The following SAMSN1 variants were observed in gnomAD, a reference collection of about 807,000 sequenced individuals.
The protein encoded by SAMSN1 is SAM domain, SH3 domain and nuclear localization signals 1, also known as SAM domain-containing protein SAMSN-1.
In SAMSN1, 31 loss-of-function variants were observed where a neutral mutation model predicts 42.0. The observed-to-expected ratio is 0.74, with a 90% CI of 0.55 to 1.00. The LOEUF (loss-of-function observed/expected upper bound fraction) is 1.00. Ranked by LOEUF, SAMSN1 falls within the 50% of genes least tolerant of loss-of-function variation. The probability of loss-of-function intolerance (pLI) is 0.00; values close to 1 mark genes in which losing one functional copy is unlikely to be tolerated. For missense variants in SAMSN1, 464 were observed against 439.4 expected (o/e 1.06, Z -0.50); for synonymous variants, 178 against 151.9 (o/e 1.17, Z -1.26).
chr21:14,517,043 T>A lies in SAMSN1; in HGVS notation c.130-2A>T. The stretch of plus-strand genomic sequence containing the variant: ...ATTTGTGGGATCTCCTTCATGTGCC[T>A]AGTTTAGAATTGTTTACAAAAGACA... On this transcript the variant is annotated splice_acceptor_variant, in intron 2 of 7. Transcript: ENST00000400566. LOFTEE classifies it high-confidence loss of function. 6.3e-7 allele frequency: 1 copy of A among 1,599,396 alleles called. No homozygotes were observed. The highest frequency in any genetic ancestry group is 1.1e-5 in the South Asian group (1 of 88,034).
upstream of SAMSN1, among the ~76,000 whole-genome samples, chr21:14,586,376 GTGAT>G (rs368824630): frequency 1.8e-3 from 264 of 150,652 alleles, 9 homozygotes; most frequent in East Asian, 0.039. Context: ...TGTACTGAAT[GTGAT>G]TGATTAAGTT....
At chr21:14,529,579 C>T (rs1979105605) in intron 1 of SAMSN1, among the ~76,000 whole-genome samples, 1 of 152,176 alleles carries the variant, frequency 6.6e-6, no homozygotes, top group South Asian at 2.1e-4. Context: ...AGAGTAAGGG[C>T]TGTCGGTATG....
chr21:14,634,243 A>T (rs1207565325), intron 2 of SAMSN1, among the ~76,000 whole-genome samples: 1 of 152,090 alleles, frequency 6.6e-6, no homozygotes, highest in Non-Finnish European at 1.5e-5. Context: ...ACCATTCAGG[A>T]CGTAGGTACA....
chr21:14,580,967 C>G (rs180932274), intron 2 of SAMSN1, among the ~76,000 whole-genome samples: 2 of 152,062 alleles, frequency 1.3e-5, no homozygotes, highest in South Asian at 4.1e-4. Flanking sequence ...AAAAGTACCA[C>G]TCTTAAGTAC....
chr21:14,544,380 A>C (rs1452872408), intron 1 of SAMSN1, among the ~76,000 whole-genome samples: 1 of 152,198 alleles, frequency 6.6e-6, no homozygotes, highest in Non-Finnish European at 1.5e-5. Context: ...TATAATATGC[A>C]AAGAAAATTA....
chr21:14,586,124 G>A (rs1744420946), upstream of SAMSN1, among the ~76,000 whole-genome samples: 1 of 151,526 alleles, frequency 6.6e-6, no homozygotes, highest in Non-Finnish European at 1.5e-5. Context: ...TCAGCTGGGT[G>A]TGGTGGCATG....
At chr21:14,608,917 A>G (rs1410594119) in intron 5 of SAMSN1, among the ~76,000 whole-genome samples, 2 of 152,110 alleles carry the variant, frequency 1.3e-5, no homozygotes, top group Non-Finnish European at 2.9e-5. Flanking sequence ...AACTCTTAAG[A>G]CTTTCTGTTT....
intron 2 of SAMSN1, among the ~76,000 whole-genome samples, chr21:14,623,291 G>A (rs1006685347): frequency 1.3e-5 from 2 of 152,120 alleles, no homozygotes; most frequent in African/African-American, 4.8e-5. Context: ...AATGTAAATG[G>A]GTTAAATGCT....
At chr21:14,501,085 G>T (rs1325593024) in intron 5 of SAMSN1, among the ~76,000 whole-genome samples, 1 of 152,064 alleles carries the variant, frequency 6.6e-6, no homozygotes, top group Non-Finnish European at 1.5e-5. Flanking sequence ...CAAAGCTGCA[G>T]TGAGCTGTAA....
intron 2 of SAMSN1, among the ~76,000 whole-genome samples, chr21:14,616,294 T>C (rs1982836350): frequency 6.6e-6 from 1 of 151,828 alleles, no homozygotes. Flanking sequence ...TTATATCTTA[T>C]TTTAAGCCCT....
At chr21:14,519,511 C>A (rs988029167) in intron 2 of SAMSN1, among the ~76,000 whole-genome samples, 1 of 152,020 alleles carries the variant, frequency 6.6e-6, no homozygotes, top group South Asian at 2.1e-4. Context: ...TACACACACA[C>A]ACACAAACAC....
intron 1 of SAMSN1, among the ~76,000 whole-genome samples, chr21:14,645,686 T>C (rs1175241695): frequency 2.6e-5 from 4 of 152,158 alleles, no homozygotes; most frequent in African/African-American, 9.7e-5. Context: ...CAGGGACCAA[T>C]CCTGGAGAAA....
chr21:14,533,555 T>TC (rs1287367649), intron 1 of SAMSN1, among the ~76,000 whole-genome samples: 1 of 152,184 alleles, frequency 6.6e-6, no homozygotes, highest in Non-Finnish European at 1.5e-5. Flanking sequence ...CGTCTCTATG[T>TC]CCAGGGTCAC....
At chr21:14,497,534 G>A (rs530324895) in intron 7 of SAMSN1, among the ~76,000 whole-genome samples, 31 of 152,298 alleles carry the variant, frequency 2.0e-4, no homozygotes, top group Non-Finnish European at 3.7e-4. Context: ...GGAGGTCGCG[G>A]TGAGCCGAGA....
At chr21:14,651,802 G>A (rs1983841330) in intron 1 of SAMSN1, among the ~76,000 whole-genome samples, 1 of 151,872 alleles carries the variant, frequency 6.6e-6, no homozygotes, top group African/African-American at 2.4e-5. Flanking sequence ...AAAACTGTTA[G>A]AACTAATAAA....
intron 6 of SAMSN1, among the ~76,000 whole-genome samples, chr21:14,596,263 G>A (rs962164596): frequency 6.6e-6 from 1 of 152,048 alleles, no homozygotes; most frequent in Non-Finnish European, 1.5e-5. Flanking sequence ...ACTCTTGAAA[G>A]TCTTCTACTA....
At chr21:14,624,040 G>A (rs1185194263) in intron 2 of SAMSN1, among the ~76,000 whole-genome samples, 7 of 152,120 alleles carry the variant, frequency 4.6e-5, no homozygotes, top group Non-Finnish European at 7.4e-5. Context: ...GGTACACAAC[G>A]AAATGAAGGC....
chr21:14,498,159 T>C (rs868362720), intron 7 of SAMSN1, among the ~76,000 whole-genome samples: 4 of 152,334 alleles, frequency 2.6e-5, no homozygotes, highest in South Asian at 2.1e-4. Context: ...TCTTTGGGAA[T>C]GCAGGCATCC....
chr21:14,547,779 C>T (rs978537743), upstream of SAMSN1, among the ~76,000 whole-genome samples: 20 of 152,114 alleles, frequency 1.3e-4, no homozygotes, highest in Admixed American at 1.3e-3. Context: ...CTATTATGTG[C>T]AATTTGACAA....
Sources: allele counts gnomAD v4.1 joint callset (sites outside exome capture counted in the v4.1 genomes callset), GRCh38; gene constraint gnomAD v4.1.1; transcripts MANE v1.5; gene names NCBI Gene and HGNC (gene_info 2026-07-23, HGNC 2026-07-21).